The following ZFYVE9 variants were observed in gnomAD, a reference collection of about 807,000 sequenced individuals.
ZFYVE9 encodes the protein zinc finger FYVE-type containing 9.
Under a neutral mutation model 126.7 loss-of-function variants are expected in ZFYVE9, and 43 were observed. The observed-to-expected ratio is 0.34, with a 90% CI of 0.27 to 0.44. ZFYVE9 has a LOEUF of 0.44. Among genes scored for constraint, ZFYVE9 ranks in the 20% least tolerant of loss-of-function variants. The pLI is 1.00. For synonymous variants in ZFYVE9, 521 were observed against 597.4 expected (o/e 0.87, Z 1.87); for missense variants, 1,476 against 1,697.0 (o/e 0.87, Z 2.29).
chr1:52,339,994 T>G, intron 16 of ZFYVE9, 132 bp from the exon 17 acceptor site: 1 of 685,028 alleles, frequency 1.5e-6, no homozygotes, highest in Non-Finnish European at 2.6e-6. Flanking sequence ...CTTGCTATGA[T>G]GTGCTGCACA....
At chr1:52,217,753 T>G (rs1645085464) in intron 2 of ZFYVE9, among the ~76,000 whole-genome samples, 1 of 152,210 alleles carries the variant, frequency 6.6e-6, no homozygotes, top group Non-Finnish European at 1.5e-5. Context: ...GCTAGGGTGG[T>G]AAGGCCTTGT....
intron 4 of ZFYVE9, among the ~76,000 whole-genome samples, chr1:52,256,460 T>G (rs1645520440): frequency 6.6e-6 from 1 of 151,822 alleles, no homozygotes. Context: ...CAACCTCTGC[T>G]TCCCTTCCCA....
chr1:52,178,529 C>T (rs1276316978), intron 1 of ZFYVE9, among the ~76,000 whole-genome samples: 1 of 151,804 alleles, frequency 6.6e-6, no homozygotes, highest in Non-Finnish European at 1.5e-5. Context: ...CAGGGTTTCA[C>T]CATATTAGAC....
In ZFYVE9 at chr1:52,238,920, A is replaced by G. The variant is rs1645305307; in HGVS notation, c.1503A>G (p.Ser501=). Residue 501 remains serine, a synonymous_variant, in exon 4 of 19, where the codon TCA becomes TCG. Transcript: ENST00000287727. ...VPKTLPSKED[S]VTEEKEIEES... ...AGACTTTACCCTCCAAAGAAGATTCAGTAACAGAAGAAAAAGAAATAGAGG... is the reference window on the plus strand; with the variant it reads ...AGACTTTACCCTCCAAAGAAGATTCGGTAACAGAAGAAAAAGAAATAGAGG... The G allele has an allele frequency of 6.2e-7, 1 of 1,613,988 alleles. No individual in the cohort carries two copies. The highest frequency in any genetic ancestry group is 1.1e-5 in the South Asian group (1 of 91,056).
intron 11 of ZFYVE9, 21 bp from the exon 12 acceptor site, chr1:52,295,874 G>C (rs769145365): frequency 6.3e-7 from 1 of 1,597,882 alleles, no homozygotes; most frequent in Non-Finnish European, 8.5e-7. Context: ...ATTTAAGTTT[G>C]ATCATTTCTC....
chr1:52,146,056 CAA>C, intron 1 of ZFYVE9, among the ~76,000 whole-genome samples: 1 of 151,510 alleles, frequency 6.6e-6, no homozygotes. Flanking sequence ...CACACACACA[CAA>C]AAGTAATCAT....
chr1:52,192,162 G>C (rs1000396526), intron 1 of ZFYVE9, among the ~76,000 whole-genome samples: 1 of 151,982 alleles, frequency 6.6e-6, no homozygotes, highest in Non-Finnish European at 1.5e-5. Flanking sequence ...GGATTGCTTT[G>C]TTTTACATTG....
chr1:52,157,184 A>G lies in ZFYVE9; in HGVS notation c.-143+14781A>G, dbSNP rs1171697298. Among the ~76,000 whole-genome samples the G allele has an allele frequency of 2.0e-5, 3 of 151,892 alleles. No individual in the cohort carries two copies. The East Asian group carries it at 5.8e-4, about 30-fold the overall frequency. ...TAAATGGCCATAGGTTCCTTTCGGG[A>G]TGGACTTGGGAATAATTTTACATAT... On this transcript the variant is annotated intron_variant, in intron 1 of 18. Coordinates refer to ENST00000287727, the MANE Select transcript of ZFYVE9 (RefSeq NM_004799.4).
chr1:52,159,950 C>T (rs1316884282), intron 1 of ZFYVE9, among the ~76,000 whole-genome samples: 1 of 152,016 alleles, frequency 6.6e-6, no homozygotes, highest in Admixed American at 6.5e-5. Flanking sequence ...CACCCGCCAC[C>T]ATGCCCGGCT....
intron 1 of ZFYVE9, among the ~76,000 whole-genome samples, chr1:52,202,099 T>C (rs1644928516): frequency 1.3e-5 from 2 of 152,190 alleles, no homozygotes; most frequent in South Asian, 2.1e-4. Context: ...TGATTATTGA[T>C]ATAATCTCCT....
At chr1:52,230,104 G>A (rs346551) in intron 2 of ZFYVE9, among the ~76,000 whole-genome samples, 3 of 152,056 alleles carry the variant, frequency 2.0e-5, no homozygotes, top group Non-Finnish European at 2.9e-5. Context: ...TCCTGACCTC[G>A]TGATCTGCCT....
intron 13 of ZFYVE9, among the ~76,000 whole-genome samples, chr1:52,315,310 C>T (rs1646174038): frequency 6.6e-6 from 1 of 152,116 alleles, no homozygotes; most frequent in South Asian, 2.1e-4. Flanking sequence ...TACCAGTATT[C>T]CTAGCTACTC....
At position 52,181,090 on chromosome 1, in the gene ZFYVE9, G is replaced by T. The variant is rs1300683583; in HGVS notation, c.-142-35279G>T. Among the ~76,000 whole-genome samples the T allele has an allele frequency of 2.0e-5, 3 of 149,016 alleles. No homozygotes were observed. In the East Asian group the frequency reaches 5.8e-4, roughly 29 times the overall value. On this transcript the variant is annotated intron_variant, in intron 1 of 18. Transcript: ENST00000287727. The stretch of plus-strand genomic sequence containing the variant: ...CCTCTCCCTCACTTTCTCCCTCACG[G>T]TCTCCTTCTCCCTCTCTTTCCACGG...
At chr1:52,250,026 T>G (rs554466869) in intron 4 of ZFYVE9, among the ~76,000 whole-genome samples, 1 of 152,310 alleles carries the variant, frequency 6.6e-6, no homozygotes, top group African/African-American at 2.4e-5. Context: ...AGCTTCATAG[T>G]AAGTTTTGAA....
intron 4 of ZFYVE9, among the ~76,000 whole-genome samples, chr1:52,242,284 G>A (rs2124635545): frequency 6.6e-6 from 1 of 152,210 alleles, no homozygotes; most frequent in South Asian, 2.1e-4. Context: ...CACTTGCCTT[G>A]GCCTCCCAAA....
At chr1:52,321,945 T>A (rs1422615279) in intron 13 of ZFYVE9, among the ~76,000 whole-genome samples, 1 of 152,242 alleles carries the variant, frequency 6.6e-6, no homozygotes, top group Non-Finnish European at 1.5e-5. Context: ...GCTTAAATAC[T>A]ATTTCTAAGC....
chr1:52,283,447 C>T (rs1349079943), intron 10 of ZFYVE9, among the ~76,000 whole-genome samples: 1 of 152,112 alleles, frequency 6.6e-6, no homozygotes, highest in African/African-American at 2.4e-5. Flanking sequence ...GGATCAAAGT[C>T]CGTGAGTCTG....
chr1:52,269,399 G>A (rs2147803654), intron 7 of ZFYVE9, among the ~76,000 whole-genome samples: 1 of 152,170 alleles, frequency 6.6e-6, no homozygotes, highest in South Asian at 2.1e-4. Context: ...CAAAGTGCTA[G>A]GATTACAGGT....
intron 15 of ZFYVE9, among the ~76,000 whole-genome samples, chr1:52,337,283 G>T (rs1382650349): frequency 1.3e-5 from 2 of 152,128 alleles, no homozygotes; most frequent in Admixed American, 1.3e-4. Context: ...AAACTCTGTG[G>T]TAGGTTTGCC....
Sources: gnomAD v4.1 joint callset for allele counts (sites outside exome capture counted in the v4.1 genomes callset) on GRCh38, gnomAD v4.1.1 for gene constraint, MANE v1.5 for transcripts, NCBI Gene and HGNC (gene_info 2026-07-23, HGNC 2026-07-21) for gene names.